The following COL6A6 variants were observed in gnomAD, a reference collection of about 807,000 sequenced individuals.
COL6A6 encodes collagen alpha-6(VI) chain.
A neutral mutation model predicts 208.6 loss-of-function variants in COL6A6; 183 were observed. The ratio of observed to expected loss-of-function variants is 0.88; its 90% CI spans 0.78 to 0.99. The LOEUF (loss-of-function observed/expected upper bound fraction) is 0.99, where lower values mean the gene tolerates loss of function less well. Ranked by LOEUF, COL6A6 falls within the 50% of genes least tolerant of loss-of-function variation. The pLI is 0.00. For synonymous variants in COL6A6, 973 were observed against 1,011.8 expected, an observed-to-expected ratio of 0.96 and a Z score of 0.73; for missense variants, 2,816 against 2,815.2, an observed-to-expected ratio of 1.00 and a Z score of -0.01.
intron 23 of COL6A6, among the ~76,000 whole-genome samples, chr3:130,620,429 A>G (rs2064675636): frequency 6.6e-6 from 1 of 152,184 alleles, no homozygotes; most frequent in African/African-American, 2.4e-5. Context: ...GTTAAGGGAA[A>G]AGTTTCAAAG....
intron 19 of COL6A6, 62 bp from the exon 20 acceptor site, chr3:130,599,695 T>C: frequency 6.4e-7 from 1 of 1,566,612 alleles, no homozygotes; most frequent in East Asian, 2.2e-5. Context: ...AAGTTGATGT[T>C]AAAGAGAAAC....
intron 2 of COL6A6, among the ~76,000 whole-genome samples, chr3:130,561,635 T>C (rs1002197312): frequency 4.4e-4 from 1 of 2,272 alleles, no homozygotes; most frequent in African/African-American, 1.4e-3. Flanking sequence ...TTGAATCTAC[T>C]TTTTTTTTTT....
Position 130,608,884 on chromosome 3 carries a change from G to T in COL6A6, c.4690-18G>T. ...GTTCAGGAAACAGTGTTAACAGATT[G>T]ATTCTTTCTCGCCACAGGGAACAGC... On this transcript the variant is annotated intron_variant, in intron 21 of 36. Coordinates refer to ENST00000358511, the MANE Select transcript of COL6A6 (RefSeq NM_001102608.3). The T allele has an allele frequency of 6.8e-7, 1 of 1,477,458 alleles. No homozygotes were observed. The highest frequency in any genetic ancestry group is 9.1e-7 in the Non-Finnish European group (1 of 1,097,496). The allele number at this position is 1,477,458 out of a possible 1,614,324, so 91.5% of individuals were successfully genotyped here. A position where few individuals can be genotyped will look rare whatever the true frequency, so the allele number is the denominator to read the frequency against.
intron 7 of COL6A6, among the ~76,000 whole-genome samples, chr3:130,572,990 A>G (rs1330030997): frequency 6.6e-6 from 1 of 152,098 alleles, no homozygotes; most frequent in East Asian, 1.9e-4. Context: ...CTTGTTTTAT[A>G]TTTGCTGTGT....
intron 33 of COL6A6, among the ~76,000 whole-genome samples, chr3:130,655,413 T>C (rs2065761811): frequency 1.3e-5 from 2 of 152,304 alleles, no homozygotes; most frequent in African/African-American, 4.8e-5. Flanking sequence ...ATCTGAGGCC[T>C]CTAATTGGAT....
intron 36 of COL6A6, among the ~76,000 whole-genome samples, chr3:130,673,215 AAC>A (rs1491061125): frequency 4.0e-5 from 5 of 123,592 alleles, no homozygotes; most frequent in African/African-American, 2.2e-4. Context: ...AAACAAAAAA[AAC>A]AAAAAAAAAA....
intron 18 of COL6A6, 82 bp downstream of exon 18, chr3:130,594,425 A>G: frequency 9.4e-7 from 1 of 1,062,608 alleles, no homozygotes; most frequent in Non-Finnish European, 1.4e-6. Flanking sequence ...TCAAGGTACT[A>G]CAATAGTAAC....
chr3:130,572,768 AT>A (rs1211231182), intron 7 of COL6A6, among the ~76,000 whole-genome samples: 1 of 152,200 alleles, frequency 6.6e-6, no homozygotes, highest in African/African-American at 2.4e-5. Context: ...TAAAGGATCG[AT>A]TTACCATATT....
intron 18 of COL6A6, among the ~76,000 whole-genome samples, chr3:130,596,896 CAATA>C (rs1256832588): frequency 1.3e-5 from 2 of 152,134 alleles, no homozygotes; most frequent in Non-Finnish European, 2.9e-5. Flanking sequence ...TTCATTTTGA[CAATA>C]TATTATTATA....
chr3:130,551,058 G>A (rs2062630433), intron 1 of COL6A6, among the ~76,000 whole-genome samples: 1 of 151,860 alleles, frequency 6.6e-6, no homozygotes, highest in South Asian at 2.1e-4. Flanking sequence ...GCTGGATTCA[G>A]TTTGCTAGTA....
At position 130,565,560 on chromosome 3, in the gene COL6A6, C is replaced by T. The variant is rs2062998711; in HGVS notation, c.1228C>T (p.Gln410Ter). The change falls in exon 4 of 37, where the codon CAA (glutamine) becomes TAA (stop). Residue 410 changes from glutamine (Q) to a stop codon, truncating the protein, a stop_gained. Coordinates refer to ENST00000358511, the MANE Select transcript of COL6A6 (RefSeq NM_001102608.3). LOFTEE classifies it high-confidence loss of function. Reference protein sequence around the residue: ...NQTFLKKLRNQITHTVSVFSE... With the variant: ...NQTFLKKLRN ...GACATTTCTGAAGAAGCTGCGGAAC[C>T]AAATAACACACACAGTCTCTGTCTT... 2 of 1,613,544 alleles carry T rather than the reference C, an allele frequency of 1.2e-6. No homozygotes were observed. Among genetic ancestry groups the T allele is most frequent in the African/African-American group, 1.3e-5 (1 of 74,932 alleles).
intron 1 of COL6A6, among the ~76,000 whole-genome samples, chr3:130,529,239 A>G (rs746959099): frequency 1.3e-4 from 19 of 151,278 alleles, no homozygotes; most frequent in Non-Finnish European, 2.5e-4. Flanking sequence ...CTTTCAATGA[A>G]GGGGGGAAAA....
intron 18 of COL6A6, among the ~76,000 whole-genome samples, chr3:130,598,070 G>A (rs762836851): frequency 5.3e-5 from 8 of 152,172 alleles, no homozygotes; most frequent in Non-Finnish European, 1.2e-4. Context: ...CAGACCCAGG[G>A]TAAGAGTTGC....
intron 34 of COL6A6, among the ~76,000 whole-genome samples, chr3:130,660,149 A>C (rs934002740): frequency 3.9e-5 from 6 of 152,202 alleles, no homozygotes; most frequent in Admixed American, 1.3e-4. Context: ...TCTTGGCTTA[A>C]ACCCTTGTTT....
chr3:130,561,873 C>T (rs1018693086), intron 2 of COL6A6, among the ~76,000 whole-genome samples: 1 of 151,296 alleles, frequency 6.6e-6, no homozygotes, highest in African/African-American at 2.4e-5. Flanking sequence ...AGGATGGTCT[C>T]GATCTCCTGA....
chr3:130,583,724 A>T (rs780738141), intron 10 of COL6A6, among the ~76,000 whole-genome samples: 1 of 152,198 alleles, frequency 6.6e-6, no homozygotes. Flanking sequence ...CACCTGTCAG[A>T]CTTACACCAA....
chr3:130,616,476 T>C (rs1051136110), intron 23 of COL6A6, among the ~76,000 whole-genome samples: 1 of 149,820 alleles, frequency 6.7e-6, no homozygotes, highest in Non-Finnish European at 1.5e-5. Context: ...TTGAAAGGAA[T>C]GGCATATTCT....
Position 130,592,527 on chromosome 3 carries a change from G to C in COL6A6, c.4273-14G>C. The stretch of plus-strand genomic sequence containing the variant: ...CAATAGAAAAAGCTCATTTGGATAT[G>C]TGCCCTTTCTCAGGGAGAAAGAGGA... On this transcript the variant is annotated splice_polypyrimidine_tract_variant and intron_variant, in intron 13 of 36. Coordinates refer to ENST00000358511, the MANE Select transcript of COL6A6 (RefSeq NM_001102608.3). The C allele has an allele frequency of 6.3e-7, 1 of 1,576,258 alleles. No individual in the cohort carries two copies. Among genetic ancestry groups the C allele is most frequent in the Non-Finnish European group, 8.6e-7 (1 of 1,157,148 alleles).
rs149376853 is a variant in COL6A6, at chr3:130,664,857, T to G, written c.6503-146T>G. ...CAGTTTTAAAGATTCCCCTGAGAAA[T>G]CTGCTTTCATTTCATGTGATCACCT... On this transcript the variant is annotated intron_variant, in intron 35 of 36. Transcript: ENST00000358511. The G allele has an allele frequency of 1.0e-3, 590 of 592,948 alleles. 4 individuals are homozygous for G. In the African/African-American group the frequency reaches 0.011, roughly 11 times the overall value. The allele number at this position is 592,948 out of a possible 1,614,324, so 36.7% of individuals were successfully genotyped here.
Sources: gnomAD v4.1 joint callset for allele counts (sites outside exome capture counted in the v4.1 genomes callset) on GRCh38, gnomAD v4.1.1 for gene constraint, MANE v1.5 for transcripts, NCBI Gene and HGNC (gene_info 2026-07-23, HGNC 2026-07-21) for gene names.